The following PRPH variants were observed in gnomAD, a reference collection of about 807,000 sequenced individuals.
The protein encoded by PRPH is neurofilament 4 (57kD).
Under a neutral mutation model 52.6 loss-of-function variants are expected in PRPH, and 48 were observed. That is an observed-to-expected ratio of 0.91 (90% CI 0.72 to 1.16). PRPH has a LOEUF of 1.16. Among genes scored for constraint, PRPH ranks in the 50% most tolerant of loss-of-function variants. The probability of loss-of-function intolerance (pLI) is 0.00; values close to 1 mark genes in which losing one functional copy is unlikely to be tolerated. For synonymous variants in PRPH, 279 were observed against 283.8 expected, an observed-to-expected ratio of 0.98 and a Z score of 0.17; for missense variants, 579 against 635.7, an observed-to-expected ratio of 0.91 and a Z score of 0.96.
Position 49,297,217 on chromosome 12 carries a change from G to A in PRPH, c.940G>A (p.Glu314Lys), listed in dbSNP as rs763312227. ...GCGCCAGGCCAAGCAGGAGATGAAC[G>A]AGTCCCGACGCCAGATCCAGAGTCT... ...ALRQAKQEMN[E>K]SRRQIQSLTC... The change falls in exon 5 of 9, where the codon GAG becomes AAG. Residue 314 changes from glutamate (E) to lysine (K), a missense_variant. Physicochemically the swap from Glu to Lys is moderately conservative, Grantham distance 56 (BLOSUM62 1). Transcript: ENST00000257860. This position sits in a 1 kb window ranked among gnomAD's most constrained non-coding sequence, Gnocchi z 4.4. The A allele has an allele frequency of 2.9e-5, 46 of 1,613,936 alleles. No individual in the cohort carries two copies. The highest frequency in any genetic ancestry group is 3.9e-5 in the Non-Finnish European group (46 of 1,180,008).
At position 49,298,482 on chromosome 12, in the gene PRPH, TTATGGCCAAGCCC is replaced by T; in HGVS notation, c.*132_*144del. ...TGGTACCAGGCATCCCTTTCCTGGCTTATGGCCAAGCCCTACCCGGCCAGCAGTCGCTGGGCCT... is the reference window on the plus strand; with the variant it reads ...TGGTACCAGGCATCCCTTTCCTGGCTTACCCGGCCAGCAGTCGCTGGGCCT... On this transcript the variant is annotated 3_prime_UTR_variant, in exon 9 of 9. Transcript: ENST00000257860. 4.8e-6 allele frequency: 5 copies of T among 1,049,966 alleles called. No individual in the cohort carries two copies. Among genetic ancestry groups the T allele is most frequent in the Non-Finnish European group, 7.1e-6 (5 of 700,314 alleles). 65.0% of individuals were successfully genotyped at this position (1,049,966 alleles called of 1,614,324 possible).
chr12:49,297,501 G>A lies in PRPH; in HGVS notation c.1141G>A (p.Glu381Lys). Residue 381 changes from glutamate to lysine, a missense_variant, in exon 6 of 9, where the codon GAG becomes AAG. Physicochemically the swap from Glu to Lys is moderately conservative, Grantham distance 56. Coordinates refer to ENST00000257860, the MANE Select transcript of PRPH (RefSeq NM_006262.4). This position sits in a 1 kb window ranked among gnomAD's most constrained non-coding sequence, Gnocchi z 4.4. ...GGCGCGGCACCTGAGGGAGTACCAG[G>A]AGCTCCTCAACGTCAAGATGGCCCT... ...EMARHLREYQELLNVKMALDI... is the reference protein window; with the variant it reads ...EMARHLREYQKLLNVKMALDI... 2 of 1,612,572 alleles carry A rather than the reference G, an allele frequency of 1.2e-6. No individual in the cohort carries two copies. Among genetic ancestry groups the A allele is most frequent in the Non-Finnish European group, 1.7e-6 (2 of 1,179,928 alleles).
Position 49,298,545 on chromosome 12 carries a change from A to T in PRPH, c.*192A>T. On this transcript the variant is annotated 3_prime_UTR_variant, in exon 9 of 9. Coordinates refer to ENST00000257860, the MANE Select transcript of PRPH (RefSeq NM_006262.4). The stretch of plus-strand genomic sequence containing the variant: ...TCTCCCTGCCCTGACACTTGATGTG[A>T]CCTATGTGCTTCCCTTTTCATGTCC... 1.6e-6 allele frequency: 1 copy of T among 611,156 alleles called. No homozygotes were observed. The highest frequency in any genetic ancestry group is 1.8e-5 in the African/African-American group (1 of 54,374). The allele number at this position is 611,156 out of a possible 1,614,324, so 37.9% of individuals were successfully genotyped here. A position where few individuals can be genotyped will look rare whatever the true frequency, so the allele number is the denominator to read the frequency against.
chr12:49,296,878 C>T lies in PRPH; in HGVS notation c.703-11C>T. 2 of 1,605,792 alleles carry T rather than the reference C, an allele frequency of 1.2e-6. No homozygotes were observed. Among genetic ancestry groups the T allele is most frequent in the Non-Finnish European group, 1.7e-6 (2 of 1,176,580 alleles). On this transcript the variant is annotated splice_polypyrimidine_tract_variant and intron_variant, in intron 3 of 8. Coordinates refer to ENST00000257860, the MANE Select transcript of PRPH (RefSeq NM_006262.4). The surrounding 1 kb of genome is among the most constrained non-coding windows in gnomAD (Gnocchi z 5.1). ...CGCCGCTGTCCATCCTCTGCCTGCTCCCGGCCGTAGGAGCTGCGAGACCTG... is the reference window on the plus strand; with the variant it reads ...CGCCGCTGTCCATCCTCTGCCTGCTTCCGGCCGTAGGAGCTGCGAGACCTG...
rs1943184194 is a variant in PRPH at position 49,296,613 on chromosome 12, G to A, written c.702+86G>A. 7.5e-7 allele frequency: 1 copy of A among 1,324,818 alleles called. No individual in the cohort carries two copies. The allele number at this position is 1,324,818 out of a possible 1,614,324, so 82.1% of individuals were successfully genotyped here. ...GCGGGTGGAGCGGAGGCATCGCCCT[G>A]GGGATCAGGACGATGCTGGGTAGAC... On this transcript the variant is annotated intron_variant, in intron 3 of 8. Transcript: ENST00000257860. The surrounding 1 kb of genome is among the most constrained non-coding windows in gnomAD (Gnocchi z 5.1).
In PRPH at chr12:49,296,384, C is replaced by T; in HGVS notation, c.607-48C>T. The T allele has an allele frequency of 1.3e-6, 2 of 1,598,380 alleles. No homozygotes were observed. Among genetic ancestry groups the T allele is most frequent in the Middle Eastern group, 1.7e-4 (1 of 6,036 alleles). ...AGGGAAGGCCTGGTCCTTCCTTGGT[C>T]TGCGCAGCCCCTAACTTATCTTGAA... On this transcript the variant is annotated intron_variant, in intron 2 of 8. Coordinates refer to ENST00000257860, the MANE Select transcript of PRPH (RefSeq NM_006262.4). The surrounding 1 kb of genome is among the most constrained non-coding windows in gnomAD (Gnocchi z 5.1).
rs1334289865 is a variant in PRPH at position 49,296,149 on chromosome 12, G to A, written c.546-29G>A. ...GTGCGAGCTGGGCGGCGACCCCGCA[G>A]TTCAGCCTCTGCACGCTCTTCCCGT... On this transcript the variant is annotated intron_variant, in intron 1 of 8. Transcript: ENST00000257860. This position sits in a 1 kb window ranked among gnomAD's most constrained non-coding sequence, Gnocchi z 5.1. 4 of 1,608,724 alleles carry A rather than the reference G, an allele frequency of 2.5e-6. No individual in the cohort carries two copies. The highest frequency in any genetic ancestry group is 2.5e-6 in the Non-Finnish European group (3 of 1,179,094).
chr12:49,296,299 A>G lies in PRPH; in HGVS notation c.606+61A>G. On this transcript the variant is annotated intron_variant, in intron 2 of 8. Coordinates refer to ENST00000257860, the MANE Select transcript of PRPH (RefSeq NM_006262.4). The surrounding 1 kb of genome is among the most constrained non-coding windows in gnomAD (Gnocchi z 5.1). ...ACCGCTACCCCCGATCTCAGTATCC[A>G]GAGGTGGCATCGGTGGGCGCGGGGA... is the stretch of plus-strand genomic sequence containing the variant. The G allele has an allele frequency of 6.3e-7, 1 of 1,599,424 alleles. No individual in the cohort carries two copies. Among genetic ancestry groups the G allele is most frequent in the African/African-American group, 1.3e-5 (1 of 74,822 alleles).
chr12:49,297,295 C>T lies in PRPH; in HGVS notation c.996+22C>T. The T allele has an allele frequency of 1.2e-6, 2 of 1,613,712 alleles. No individual in the cohort carries two copies. The highest frequency in any genetic ancestry group is 1.7e-6 in the Non-Finnish European group (2 of 1,179,970). ...CACGGTGAGTACGAAGCTGCGCGCT[C>T]GGGCCCGGGGAGCGGACGATGAAAT... On this transcript the variant is annotated intron_variant, in intron 5 of 8. Transcript: ENST00000257860. The surrounding 1 kb of genome is among the most constrained non-coding windows in gnomAD (Gnocchi z 4.4).
chr12:49,298,681 A>G lies in PRPH; in HGVS notation c.*328A>G, dbSNP rs1482691911. 5.2e-6 allele frequency: 2 copies of G among 386,956 alleles called. No homozygotes were observed. Among genetic ancestry groups the G allele is most frequent in the African/African-American group, 4.1e-5 (2 of 48,946 alleles). The allele number at this position is 386,956 out of a possible 1,614,324, so 24.0% of individuals were successfully genotyped here. On this transcript the variant is annotated 3_prime_UTR_variant, in exon 9 of 9. Transcript: ENST00000257860. ...TTGAACCAAATAAAATGCTGTCAAG[A>G]GAAAACTCTCCAGTGCATTTGTTTC...
At chr12:49,295,881 T>TGCGGGCA in intron 1 of PRPH, 136 bp downstream of exon 1, 1 of 1,440,006 alleles carries the variant, frequency 6.9e-7, no homozygotes, top group Non-Finnish European at 9.1e-7. Flanking sequence ...CCCAGGTGTG[T>TGCGGGCA]GCGGGCAGCA....
rs752486411 is a variant in PRPH at position 49,295,176 on chromosome 12, C to A, written c.-25C>A. ...CCAGCCCCCGGCCTAGCTCTGCGAA[C>A]GGTGACTGCCCATCCTTGGCCGCAA... is the stretch of plus-strand genomic sequence containing the variant. On this transcript the variant is annotated 5_prime_UTR_variant, in exon 1 of 9. Coordinates refer to ENST00000257860, the MANE Select transcript of PRPH (RefSeq NM_006262.4). 2.5e-6 allele frequency: 4 copies of A among 1,606,942 alleles called. No individual in the cohort carries two copies. Among genetic ancestry groups the A allele is most frequent in the South Asian group, 1.1e-5 (1 of 90,050 alleles).
Position 49,297,433 on chromosome 12 carries a change from C to G in PRPH, c.1073C>G (p.Ala358Gly). ...GAGGCGGGGGGCTACCAGGCGGGCGCTGCGCGGCTCGAGGAGGAGCTGCGA... is the reference window on the plus strand; with the variant it reads ...GAGGCGGGGGGCTACCAGGCGGGCGGTGCGCGGCTCGAGGAGGAGCTGCGA... ...ALEAGGYQAG[A>G]ARLEEELRQL... The change falls in exon 6 of 9, where the codon GCT becomes GGT. Residue 358 changes from alanine (A) to glycine (G), a missense_variant. By Grantham distance (60) the Ala-to-Gly change is moderately conservative. Coordinates refer to ENST00000257860, the MANE Select transcript of PRPH (RefSeq NM_006262.4). The surrounding 1 kb of genome is among the most constrained non-coding windows in gnomAD (Gnocchi z 4.4). 1.2e-6 allele frequency: 2 copies of G among 1,609,186 alleles called. No individual in the cohort carries two copies. Among genetic ancestry groups the G allele is most frequent in the Non-Finnish European group, 1.7e-6 (2 of 1,178,898 alleles).
rs1943216783 is a variant in PRPH, at chr12:49,298,295, C to T, written c.1355C>T (p.Thr452Ile). The T allele has an allele frequency of 6.2e-7, 1 of 1,614,156 alleles. No individual in the cohort carries two copies. Among genetic ancestry groups the T allele is most frequent in the Non-Finnish European group, 8.5e-7 (1 of 1,180,024 alleles). ...TIETRNGEVV[T>I]ESQKEQRSEL... The stretch of plus-strand genomic sequence containing the variant: ...ATGCCCTGTCCCCAGCAGGTGGTGA[C>T]AGAGTCCCAGAAGGAGCAGCGCAGT... The change falls in exon 9 of 9, where the codon ACA (threonine) becomes ATA (isoleucine). Residue 452 changes from threonine (T) to isoleucine (I), a missense_variant. By Grantham distance (89) the Thr-to-Ile change is moderately conservative (BLOSUM62 -1). Transcript: ENST00000257860.
In PRPH at chr12:49,298,570, C is replaced by A; in HGVS notation, c.*217C>A. The A allele has an allele frequency of 1.7e-6, 1 of 577,276 alleles. No individual in the cohort carries two copies. Among genetic ancestry groups the A allele is most frequent in the East Asian group, 2.9e-5 (1 of 34,430 alleles). The allele number at this position is 577,276 out of a possible 1,614,324, so 35.8% of individuals were successfully genotyped here. The stretch of plus-strand genomic sequence containing the variant: ...ACCTATGTGCTTCCCTTTTCATGTC[C>A]CGATAAGAAGCCAATGATCCCCCCT... On this transcript the variant is annotated 3_prime_UTR_variant, in exon 9 of 9. Coordinates refer to ENST00000257860, the MANE Select transcript of PRPH (RefSeq NM_006262.4).
In PRPH at chr12:49,297,337, C is replaced by A. The variant is rs528720936; in HGVS notation, c.997-20C>A. 1 of 1,613,718 alleles carries A rather than the reference C, an allele frequency of 6.2e-7. No individual in the cohort carries two copies. The highest frequency in any genetic ancestry group is 8.5e-7 in the Non-Finnish European group (1 of 1,180,006). On this transcript the variant is annotated intron_variant, in intron 5 of 8. Coordinates refer to ENST00000257860, the MANE Select transcript of PRPH (RefSeq NM_006262.4). The surrounding 1 kb of genome is among the most constrained non-coding windows in gnomAD (Gnocchi z 4.4). Reference sequence around the variant, plus strand: ...CGATGAAATGTTCTGCAACTGGCCCCTTCCACTCTCCTACCCCAGAACGAG... The same window carrying A: ...CGATGAAATGTTCTGCAACTGGCCCATTCCACTCTCCTACCCCAGAACGAG...
At position 49,296,755 on chromosome 12, in the gene PRPH, C is replaced by A; in HGVS notation, c.703-134C>A. On this transcript the variant is annotated intron_variant, in intron 3 of 8. Coordinates refer to ENST00000257860, the MANE Select transcript of PRPH (RefSeq NM_006262.4). This position sits in a 1 kb window ranked among gnomAD's most constrained non-coding sequence, Gnocchi z 5.1. The stretch of plus-strand genomic sequence containing the variant: ...CTCTGGTCTCGCGCCCGCGGGGGCG[C>A]AGGGCTGTACGCCCTGCCCTCCCTG... 7.2e-7 allele frequency: 1 copy of A among 1,393,508 alleles called. No homozygotes were observed. The highest frequency in any genetic ancestry group is 9.8e-7 in the Non-Finnish European group (1 of 1,024,712). The allele number at this position is 1,393,508 out of a possible 1,614,324, so 86.3% of individuals were successfully genotyped here. A position where few individuals can be genotyped will look rare whatever the true frequency, so the allele number is the denominator to read the frequency against.
chr12:49,295,867 C>T, intron 1 of PRPH, 122 bp downstream of exon 1: 1 of 1,437,876 alleles, frequency 7.0e-7, no homozygotes, highest in Non-Finnish European at 9.1e-7. Context: ...GCTCCCCTTA[C>T]CAACCCAGGT....
chr12:49,296,223 C>A lies in PRPH; in HGVS notation c.591C>A (p.Leu197=). 6.2e-7 allele frequency: 1 copy of A among 1,613,192 alleles called. No homozygotes were observed. The highest frequency in any genetic ancestry group is 8.5e-7 in the Non-Finnish European group (1 of 1,179,900). ...AGCGGGAGGACGCGGAGCACAACCTCGTGCTCTTCCGCAAGGTGAGTCCGA... is the reference window on the plus strand; with the variant it reads ...AGCGGGAGGACGCGGAGCACAACCTAGTGCTCTTCCGCAAGGTGAGTCCGA... The part of the protein sequence containing the change: ...TRKREDAEHN[L]VLFRKDVDDA... The change falls in exon 2 of 9, where the codon CTC becomes CTA. Residue 197 remains leucine (L), a synonymous_variant. Transcript: ENST00000257860. The surrounding 1 kb of genome is among the most constrained non-coding windows in gnomAD (Gnocchi z 5.1).
Sources: allele counts gnomAD v4.1 joint callset, GRCh38; gene constraint gnomAD v4.1.1; non-coding constraint Gnocchi (gnomAD v3.1); transcripts MANE v1.5; gene names NCBI Gene and HGNC (gene_info 2026-07-23, HGNC 2026-07-21).